Variants in FNBP1L observed in about 807,000 individuals in gnomAD.
The protein encoded by FNBP1L is formin-binding protein 1-like.
In FNBP1L, 36 loss-of-function variants were observed where a neutral mutation model predicts 91.2. The ratio of observed to expected loss-of-function variants is 0.39; its 90% CI spans 0.30 to 0.52. The LOEUF (loss-of-function observed/expected upper bound fraction) is 0.52, where lower values mean the gene tolerates loss of function less well. FNBP1L is among the 20% of genes least tolerant of loss of function. FNBP1L has a pLI of 0.66. For missense variants in FNBP1L, 571 were observed against 732.1 expected (o/e 0.78, Z 2.54); for synonymous variants, 242 against 237.0 (o/e 1.02, Z -0.19).
At chr1:93,484,780 C>G (rs1276776280) in intron 1 of FNBP1L, among the ~76,000 whole-genome samples, 1 of 152,184 alleles carries the variant, frequency 6.6e-6, no homozygotes, top group East Asian at 1.9e-4. Context: ...ACCCTAACTA[C>G]TGAATGACCC....
intron 1 of FNBP1L, among the ~76,000 whole-genome samples, chr1:93,483,024 AC>A (rs200339623): frequency 0.034 from 4,683 of 137,064 alleles, 219 homozygotes; most frequent in African/African-American, 0.088. Context: ...TCTAAAAAAA[AC>A]AAAAAAAACA....
intron 7 of FNBP1L, among the ~76,000 whole-genome samples, chr1:93,532,655 G>C (rs898237602): frequency 6.6e-5 from 10 of 152,120 alleles, no homozygotes; most frequent in African/African-American, 2.4e-4. Context: ...GCCAGTAAGG[G>C]GTCCTTTTAG....
intron 2 of FNBP1L, among the ~76,000 whole-genome samples, chr1:93,514,213 A>T (rs1347435589): frequency 6.6e-6 from 1 of 152,210 alleles, no homozygotes; most frequent in African/African-American, 2.4e-5. Flanking sequence ...TTAACAAGGG[A>T]TGTGAAGGAC....
intron 1 of FNBP1L, among the ~76,000 whole-genome samples, chr1:93,449,774 C>A (rs1021951693): frequency 1.3e-5 from 2 of 152,088 alleles, no homozygotes; most frequent in Non-Finnish European, 2.9e-5. Context: ...AAGTTTAATT[C>A]TTTTACATTG....
Position 93,534,919 on chromosome 1 carries a change from T to C in FNBP1L, c.990+11T>C. On this transcript the variant is annotated intron_variant, in intron 9 of 16. Coordinates refer to ENST00000271234, the MANE Select transcript of FNBP1L (RefSeq NM_001164473.3). Reference sequence around the variant, plus strand: ...GGAAAGAAGCCAAAGGTAAAAGTCATAAAATTCCTATATGCTAATCAGTTT... The same window carrying C: ...GGAAAGAAGCCAAAGGTAAAAGTCACAAAATTCCTATATGCTAATCAGTTT... 6.4e-7 allele frequency: 1 copy of C among 1,555,442 alleles called. No individual in the cohort carries two copies. Among genetic ancestry groups the C allele is most frequent in the Non-Finnish European group, 8.7e-7 (1 of 1,148,654 alleles).
chr1:93,546,031 G>T (rs80170470), intron 12 of FNBP1L, among the ~76,000 whole-genome samples: 1 of 152,040 alleles, frequency 6.6e-6, no homozygotes. Context: ...CTGGAGATAT[G>T]CATTTGAAAA....
At chr1:93,543,973 T>G in intron 11 of FNBP1L, 134 bp from the exon 12 acceptor site, 1 of 532,432 alleles carries the variant, frequency 1.9e-6, no homozygotes, top group Non-Finnish European at 3.3e-6. Context: ...ATTTCTTTTT[T>G]TTTTAAGGGG....
chr1:93,533,677 G>T (rs531699407), intron 8 of FNBP1L, among the ~76,000 whole-genome samples: 1 of 152,284 alleles, frequency 6.6e-6, no homozygotes, highest in East Asian at 1.9e-4. Flanking sequence ...TCAGATATGT[G>T]TCACATATTT....
At chr1:93,472,935 A>T (rs918422613) in intron 1 of FNBP1L, among the ~76,000 whole-genome samples, 5 of 151,684 alleles carry the variant, frequency 3.3e-5, no homozygotes, top group African/African-American at 9.7e-5. Context: ...CTCATGGAAG[A>T]AATTACTCTT....
At chr1:93,531,558 CG>C (rs1671677787) in intron 7 of FNBP1L, among the ~76,000 whole-genome samples, 1 of 152,006 alleles carries the variant, frequency 6.6e-6, no homozygotes, top group Non-Finnish European at 1.5e-5. Flanking sequence ...AGTGTCAGCC[CG>C]GGTACACTTT....
intron 1 of FNBP1L, among the ~76,000 whole-genome samples, chr1:93,492,194 A>G (rs893758715): frequency 1.3e-5 from 2 of 152,182 alleles, no homozygotes; most frequent in Non-Finnish European, 2.9e-5. Flanking sequence ...TATTTTTTAG[A>G]TGAAGTAATT....
chr1:93,449,898 A>C (rs1668429038), intron 1 of FNBP1L, among the ~76,000 whole-genome samples: 1 of 151,986 alleles, frequency 6.6e-6, no homozygotes, highest in South Asian at 2.1e-4. Context: ...TAAATTTTTA[A>C]ATTTTTTATT....
At chr1:93,489,299 A>T (rs1042275318) in intron 1 of FNBP1L, among the ~76,000 whole-genome samples, 2 of 152,098 alleles carry the variant, frequency 1.3e-5, no homozygotes, top group Admixed American at 1.3e-4. Context: ...GTGAAGGATA[A>T]TAATAATGAT....
intron 13 of FNBP1L, 111 bp from the exon 14 acceptor site, chr1:93,547,236 C>G: frequency 1.0e-6 from 1 of 991,368 alleles, no homozygotes; most frequent in Non-Finnish European, 1.5e-6. Flanking sequence ...GGTTTCACAT[C>G]TCTAAGAATT....
intron 1 of FNBP1L, among the ~76,000 whole-genome samples, chr1:93,485,846 G>A (rs1254207504): frequency 2.0e-5 from 3 of 152,030 alleles, no homozygotes; most frequent in Admixed American, 6.5e-5. Context: ...ACAGGTGCCT[G>A]CCACCACGCC....
intron 1 of FNBP1L, among the ~76,000 whole-genome samples, chr1:93,486,044 T>G (rs963917869): frequency 1.8e-4 from 28 of 152,190 alleles, no homozygotes; most frequent in Admixed American, 8.5e-4. Context: ...AATTGTGTAA[T>G]TACTCCAGTT....
At chr1:93,508,906 T>C (rs1414377019) in intron 2 of FNBP1L, among the ~76,000 whole-genome samples, 1 of 152,240 alleles carries the variant, frequency 6.6e-6, no homozygotes, top group Admixed American at 6.5e-5. Flanking sequence ...TTCTCTGTGT[T>C]GGTTTAATTT....
At chr1:93,502,062 C>G (rs775979356) in intron 2 of FNBP1L, among the ~76,000 whole-genome samples, 4 of 151,994 alleles carry the variant, frequency 2.6e-5, no homozygotes, top group Non-Finnish European at 5.9e-5. Context: ...AATTTAAAAG[C>G]CTTATTCATC....
chr1:93,463,773 T>C (rs1224793796), intron 1 of FNBP1L, among the ~76,000 whole-genome samples: 1 of 152,224 alleles, frequency 6.6e-6, no homozygotes, highest in Non-Finnish European at 1.5e-5. Context: ...TTTAGGCTCT[T>C]CGTTTCCAGA....
Sources: gnomAD v4.1 joint callset for allele counts (sites outside exome capture counted in the v4.1 genomes callset) on GRCh38, gnomAD v4.1.1 for gene constraint, MANE v1.5 for transcripts, NCBI Gene and HGNC (gene_info 2026-07-23, HGNC 2026-07-21) for gene names.